MALRD1: variants seen among roughly 807,000 people sequenced by gnomAD.
The protein encoded by MALRD1 is MAM and LDL receptor class A domain containing 1.
A neutral mutation model predicts 242.1 loss-of-function variants in MALRD1; 247 were observed. The ratio of observed to expected loss-of-function variants is 1.02; its 90% CI spans 0.92 to 1.13. The LOEUF is 1.13. MALRD1 is among the 50% of genes most tolerant of loss of function. MALRD1 has a pLI of 0.00. For missense variants in MALRD1, 2,989 were observed against 2,533.1 expected, an observed-to-expected ratio of 1.18 and a Z score of -3.86; for synonymous variants, 995 against 866.6, an observed-to-expected ratio of 1.15 and a Z score of -2.60.
intron 29 of MALRD1, among the ~76,000 whole-genome samples, chr10:19,468,691 G>A (rs1836347455): frequency 6.6e-6 from 1 of 151,552 alleles, no homozygotes; most frequent in Non-Finnish European, 1.5e-5. Context: ...GTTAGCTGGG[G>A]GCCCTACACC....
intron 29 of MALRD1, among the ~76,000 whole-genome samples, chr10:19,463,590 GTA>G (rs140574713): frequency 8.8e-4 from 133 of 151,412 alleles, no homozygotes; most frequent in Middle Eastern, 3.4e-3. Context: ...GTGTGTGTGT[GTA>G]TATACTCTTT....
chr10:19,550,505 C>T (rs573023402), intron 32 of MALRD1, among the ~76,000 whole-genome samples: 1 of 152,096 alleles, frequency 6.6e-6, no homozygotes, highest in African/African-American at 2.4e-5. Flanking sequence ...AACCTCCACC[C>T]TCCAATAGGC....
At chr10:19,242,299 C>G (rs1384199697) in intron 18 of MALRD1, among the ~76,000 whole-genome samples, 1 of 152,098 alleles carries the variant, frequency 6.6e-6, no homozygotes, top group Non-Finnish European at 1.5e-5. Flanking sequence ...GGGAAACCGC[C>G]CCCATGATTC....
chr10:19,294,023 C>T (rs764981383), intron 21 of MALRD1, among the ~76,000 whole-genome samples: 3 of 152,058 alleles, frequency 2.0e-5, no homozygotes, highest in Admixed American at 6.6e-5. Flanking sequence ...AGGTAGCATA[C>T]TTGCTGTACA....
intron 21 of MALRD1, among the ~76,000 whole-genome samples, chr10:19,303,451 T>A (rs1842035680): frequency 6.6e-6 from 1 of 151,776 alleles, no homozygotes; most frequent in Non-Finnish European, 1.5e-5. Context: ...AAATGGGAGA[T>A]GTTAAGACAC....
intron 10 of MALRD1, among the ~76,000 whole-genome samples, chr10:19,143,077 T>G (rs1833606785): frequency 6.6e-6 from 1 of 152,248 alleles, no homozygotes; most frequent in Non-Finnish European, 1.5e-5. Flanking sequence ...GTGACGGATT[T>G]TGAAAGCTAA....
At chr10:19,637,514 C>A (rs1293775544) in intron 36 of MALRD1, among the ~76,000 whole-genome samples, 3 of 152,158 alleles carry the variant, frequency 2.0e-5, no homozygotes, top group African/African-American at 4.8e-5. Flanking sequence ...AAACTGGATA[C>A]CATGTTGACC....
chr10:19,220,719 A>T (rs1189280287), intron 18 of MALRD1, among the ~76,000 whole-genome samples: 2 of 152,118 alleles, frequency 1.3e-5, no homozygotes, highest in African/African-American at 4.8e-5. Context: ...CACTGACAGG[A>T]AATGTTTTCT....
chr10:19,404,907 C>T (rs1478837555), intron 28 of MALRD1, among the ~76,000 whole-genome samples: 2 of 152,094 alleles, frequency 1.3e-5, no homozygotes, highest in Non-Finnish European at 2.9e-5. Context: ...AAATTCTATG[C>T]ACAGAGAAGA....
chr10:19,462,372 A>G lies in MALRD1; in HGVS notation c.5029+11882A>G, dbSNP rs148580302. On this transcript the variant is annotated intron_variant, in intron 29 of 39. Transcript: ENST00000454679. ...TTACTGAAATTATTCAAACTAGCCA[A>G]TTGTAAATCTGCTTCTCATAGAAAC... Among the ~76,000 whole-genome samples, 371 of 152,330 alleles carry G rather than the reference A, an allele frequency of 2.4e-3. 3 individuals are homozygous for G. The highest frequency in any genetic ancestry group is 7.4e-3 in the African/African-American group (308 of 41,570).
chr10:19,355,432 C>T, intron 26 of MALRD1, among the ~76,000 whole-genome samples: 1 of 151,444 alleles, frequency 6.6e-6, no homozygotes, highest in East Asian at 1.9e-4. Flanking sequence ...TAATTTATTA[C>T]ATTAAAATAA....
intron 10 of MALRD1, among the ~76,000 whole-genome samples, chr10:19,139,761 C>T (rs1398366749): frequency 2.6e-5 from 4 of 152,186 alleles, no homozygotes; most frequent in Non-Finnish European, 5.9e-5. Context: ...ACCAGAGCAT[C>T]AGCATTACCT....
At chr10:19,579,663 T>C (rs935010158) in intron 33 of MALRD1, among the ~76,000 whole-genome samples, 1 of 152,132 alleles carries the variant, frequency 6.6e-6, no homozygotes, top group Non-Finnish European at 1.5e-5. Flanking sequence ...ATTTTAGGGT[T>C]TTATGGGGAA....
At chr10:19,476,174 C>A (rs1836719863) in intron 29 of MALRD1, among the ~76,000 whole-genome samples, 1 of 152,098 alleles carries the variant, frequency 6.6e-6, no homozygotes, top group Non-Finnish European at 1.5e-5. Flanking sequence ...GTCCAAGGAT[C>A]TCAGCAGTAG....
At chr10:19,343,068 G>T (rs184834542) in intron 24 of MALRD1, among the ~76,000 whole-genome samples, 84 of 151,988 alleles carry the variant, frequency 5.5e-4, no homozygotes, top group African/African-American at 2.0e-3. Context: ...CTTTTTCTTT[G>T]TAGGAACACA....
At chr10:19,492,937 A>G (rs1332942919) in intron 30 of MALRD1, among the ~76,000 whole-genome samples, 1 of 152,190 alleles carries the variant, frequency 6.6e-6, no homozygotes, top group African/African-American at 2.4e-5. Flanking sequence ...TGATGCTTCC[A>G]ATGGGCTCAT....
intron 5 of MALRD1, among the ~76,000 whole-genome samples, chr10:19,123,179 T>A (rs1169906304): frequency 6.6e-6 from 1 of 152,188 alleles, no homozygotes; most frequent in Non-Finnish European, 1.5e-5. Context: ...ATTAGGGCAA[T>A]TTTTTTACTC....
chr10:19,692,224 G>A, intron 36 of MALRD1, 58 bp from the exon 37 acceptor site: 1 of 1,282,828 alleles, frequency 7.8e-7, no homozygotes, highest in Non-Finnish European at 1.1e-6. Flanking sequence ...TGCCAGTTGT[G>A]TTCAAATATC....
At chr10:19,094,617 C>G (rs1019122285) in intron 4 of MALRD1, among the ~76,000 whole-genome samples, 1 of 152,024 alleles carries the variant, frequency 6.6e-6, no homozygotes. Flanking sequence ...GGCTCCTCCC[C>G]CAACTTCCTC....
Sources: gnomAD v4.1 joint callset for allele counts (sites outside exome capture counted in the v4.1 genomes callset) on GRCh38, gnomAD v4.1.1 for gene constraint, MANE v1.5 for transcripts, NCBI Gene and HGNC (gene_info 2026-07-23, HGNC 2026-07-21) for gene names.